The following ACSM2A variants were observed in gnomAD, a reference collection of about 807,000 sequenced individuals.
The protein encoded by ACSM2A is acyl-CoA synthetase medium chain family member 2A.
A neutral mutation model predicts 76.6 loss-of-function variants in ACSM2A; 72 were observed. The observed-to-expected ratio is 0.94, with a 90% CI of 0.78 to 1.14. The LOEUF (loss-of-function observed/expected upper bound fraction) is 1.14, where lower values mean the gene tolerates loss of function less well. Ranked by LOEUF, ACSM2A falls within the 50% of genes most tolerant of loss-of-function variation. The pLI, the probability that ACSM2A is intolerant of heterozygous loss-of-function variation, is 0.00. For missense variants in ACSM2A, 684 were observed against 708.5 expected (o/e 0.97, Z 0.39); for synonymous variants, 249 against 255.9 (o/e 0.97, Z 0.26).
At chr16:20,470,480 A>C (rs943557215) in intron 4 of ACSM2A, among the ~76,000 whole-genome samples, 1 of 152,192 alleles carries the variant, frequency 6.6e-6, no homozygotes, top group Non-Finnish European at 1.5e-5. Context: ...ATATGATAGG[A>C]AACTTGAAGG....
rs1198144090 is a variant in ACSM2A at position 20,483,225 on chromosome 16, T to C, written c.1629+48T>C. The C allele has an allele frequency of 1.9e-6, 3 of 1,604,012 alleles. No individual in the cohort carries two copies. The African/African-American group carries it at 4.0e-5, about 22-fold the overall frequency. ...TCACTCAAACTTGAGAAATAGATTG[T>C]TTTCCTGTTATATTTATCTTCTTCA... On this transcript the variant is annotated intron_variant, in intron 13 of 13. Coordinates refer to ENST00000573854, the MANE Select transcript of ACSM2A (RefSeq NM_001308172.2).
At chr16:20,485,780 A>G (rs1381101629) in intron 13 of ACSM2A, among the ~76,000 whole-genome samples, 1 of 152,196 alleles carries the variant, frequency 6.6e-6, no homozygotes, top group Non-Finnish European at 1.5e-5. Context: ...CAGTATCCCT[A>G]TTATTAAATT....
chr16:20,458,452 T>G (rs2012340075), intron 1 of ACSM2A, among the ~76,000 whole-genome samples: 2 of 145,698 alleles, frequency 1.4e-5, no homozygotes. Flanking sequence ...TAACTATTTA[T>G]AATATAATAT....
chr16:20,474,921 A>C lies in ACSM2A; in HGVS notation c.895-441A>C, dbSNP rs1219486724. On this transcript the variant is annotated intron_variant, in intron 6 of 13. Transcript: ENST00000573854. ...ACTTTTATATCTAAAATATATTCCA[A>C]AAATATTTTCAGGAAAATAAGGCTG... 3.3e-5 allele frequency among the ~76,000 whole-genome samples: 5 copies of C among 152,222 alleles called. 1 individual carries two copies. Among genetic ancestry groups the C allele is most frequent in the Non-Finnish European group, 5.9e-5 (4 of 68,034 alleles).
chr16:20,480,800 T>C (rs752478455), intron 11 of ACSM2A, 22 bp from the exon 12 acceptor site: 3 of 1,613,922 alleles, frequency 1.9e-6, no homozygotes, highest in East Asian at 2.2e-5. Flanking sequence ...CAGTGTTCTC[T>C]GAAGGACAGG....
chr16:20,470,388 T>G (rs969219547), intron 4 of ACSM2A, among the ~76,000 whole-genome samples: 1 of 152,202 alleles, frequency 6.6e-6, no homozygotes, highest in African/African-American at 2.4e-5. Flanking sequence ...ACCTTGATAG[T>G]CCTTCCAAAA....
intron 8 of ACSM2A, 112 bp downstream of exon 8, chr16:20,475,885 T>C: frequency 1.3e-6 from 2 of 1,548,420 alleles, no homozygotes; most frequent in Non-Finnish European, 1.7e-6. Context: ...CGAGAAGTAT[T>C]TATTGAGCCT....
chr16:20,473,293 C>T (rs900816432), intron 6 of ACSM2A, among the ~76,000 whole-genome samples: 3 of 151,980 alleles, frequency 2.0e-5, no homozygotes, highest in Non-Finnish European at 2.9e-5. Flanking sequence ...ACTCTGTGTC[C>T]TTCTCAAAAG....
At position 20,475,779 on chromosome 16, in the gene ACSM2A, T is replaced by A; in HGVS notation, c.1098+6T>A. 6.2e-7 allele frequency: 1 copy of A among 1,613,660 alleles called. No homozygotes were observed. The highest frequency in any genetic ancestry group is 8.5e-7 in the Non-Finnish European group (1 of 1,179,732). On this transcript the variant is annotated splice_donor_region_variant and intron_variant, in intron 8 of 13. Transcript: ENST00000573854. ...CCTATGGCCAGACAGAAACGGTACC[T>A]GTTCCCAGGGGAACCATGGGCTGTG...
chr16:20,469,420 C>T (rs756323142), intron 3 of ACSM2A, 92 bp from the exon 4 acceptor site: 171 of 1,574,428 alleles, frequency 1.1e-4, no homozygotes, highest in Non-Finnish European at 1.4e-4. Flanking sequence ...CCTCTCCTTC[C>T]CCACTTGCTC....
At chr16:20,470,783 A>C (rs1455749785) in intron 4 of ACSM2A, 1 of 584,254 alleles carries the variant, frequency 1.7e-6, no homozygotes, top group Non-Finnish European at 3.2e-6. Context: ...GGTAGAGATA[A>C]CTCTATAAGA....
intron 4 of ACSM2A, chr16:20,470,690 C>G (rs1428367249): frequency 2.4e-6 from 1 of 417,034 alleles, no homozygotes; most frequent in Non-Finnish European, 4.7e-6. Context: ...CTCCTGTCCA[C>G]TTGGTGTCAT....
intron 2 of ACSM2A, among the ~76,000 whole-genome samples, chr16:20,462,068 T>C (rs1380764418): frequency 6.6e-6 from 1 of 152,182 alleles, no homozygotes; most frequent in African/African-American, 2.4e-5. Context: ...CAGGTCTAGG[T>C]AGTGTCAGTA....
intron 3 of ACSM2A, among the ~76,000 whole-genome samples, chr16:20,467,456 A>G (rs1377815073): frequency 2.6e-5 from 4 of 152,180 alleles, no homozygotes; most frequent in Non-Finnish European, 1.5e-5. Context: ...GATGAAGAAG[A>G]CAATAGTGGG....
At position 20,465,653 on chromosome 16, in the gene ACSM2A, G is replaced by A. The variant is rs371291843; in HGVS notation, c.314G>A (p.Arg105His). The A allele has an allele frequency of 4.2e-5, 67 of 1,613,900 alleles. No homozygotes were observed. Among genetic ancestry groups the A allele is most frequent in the Admixed American group, 3.7e-4 (22 of 60,004 alleles). ...CTCTCGGGAGCCTGTGGCCTGCAGC[G>A]TGGGGATCGTGTGGCAGTGGTGCTG... ...NVLSGACGLQ[R>H]GDRVAVVLPR... The change falls in exon 3 of 14, where the codon CGT becomes CAT. Residue 105 changes from arginine to histidine, a missense_variant. Arg to His is a conservative substitution (Grantham distance 29). Coordinates refer to ENST00000573854, the MANE Select transcript of ACSM2A (RefSeq NM_001308172.2).
chr16:20,482,934 G>A, intron 12 of ACSM2A, 124 bp from the exon 13 acceptor site: 1 of 1,454,724 alleles, frequency 6.9e-7, no homozygotes, highest in Non-Finnish European at 9.3e-7. Context: ...CCCTTGACCT[G>A]GATCACCGGG....
chr16:20,477,914 A>G (rs2013845000), intron 9 of ACSM2A, among the ~76,000 whole-genome samples: 1 of 152,168 alleles, frequency 6.6e-6, no homozygotes, highest in African/African-American at 2.4e-5. Context: ...TTTCACTAGT[A>G]AAAATACACT....
chr16:20,465,721 C>G lies in ACSM2A; in HGVS notation c.382C>G (p.Arg128Gly), dbSNP rs748565082. Reference sequence around the variant, plus strand: ...GTGGCTGGTGATCCTGGGCTGCATTCGAGCAGGTTGGTAACTGACTACCTG... The same window carrying G: ...GTGGCTGGTGATCCTGGGCTGCATTGGAGCAGGTTGGTAACTGACTACCTG... ...EWWLVILGCI[R>G]AGLIFMPGTI... The change falls in exon 3 of 14, where the codon CGA (arginine) becomes GGA (glycine). Residue 128 changes from arginine (R) to glycine (G), a missense_variant. Around this residue, in one of 3 missense-constraint regions of ACSM2A, gnomAD observed 519 missense variants for 549.5 expected, o/e 0.94. Coordinates refer to ENST00000573854, the MANE Select transcript of ACSM2A (RefSeq NM_001308172.2). The G allele has an allele frequency of 1.2e-6, 2 of 1,613,654 alleles. No individual in the cohort carries two copies. The highest frequency in any genetic ancestry group is 1.7e-4 in the Middle Eastern group (1 of 6,056).
rs559312334 is a variant in ACSM2A, at chr16:20,469,676, G to C, written c.553G>C (p.Glu185Gln). The part of the protein sequence containing the change: ...PSLRIKLLVS[E>Q]KSCDGWLNFK... ...TCTGAGAATTAAGCTACTGGTGTCT[G>C]AGAAAAGCTGTGATGGGTGGCTGAA... Residue 185 changes from glutamate to glutamine, a missense_variant, in exon 4 of 14, where the codon GAG becomes CAG. By Grantham distance (29) the Glu-to-Gln change is conservative (BLOSUM62 2). Coordinates refer to ENST00000573854, the MANE Select transcript of ACSM2A (RefSeq NM_001308172.2). The C allele has an allele frequency of 6.2e-7, 1 of 1,613,730 alleles. No homozygotes were observed. The highest frequency in any genetic ancestry group is 8.5e-7 in the Non-Finnish European group (1 of 1,179,824).
Sources: gnomAD v4.1 joint callset for allele counts (sites outside exome capture counted in the v4.1 genomes callset) on GRCh38, gnomAD v4.1.1 for gene constraint, gnomAD v4.1.1 regional missense constraint, MANE v1.5 for transcripts, NCBI Gene and HGNC (gene_info 2026-07-23, HGNC 2026-07-21) for gene names.